RGS12: variants seen among roughly 807,000 people sequenced by gnomAD.
The protein encoded by RGS12 is regulator of G-protein signaling 12.
In RGS12, 66 loss-of-function variants were observed where a neutral mutation model predicts 120.1. The ratio of observed to expected loss-of-function variants is 0.55; its 90% CI spans 0.45 to 0.67. The LOEUF (loss-of-function observed/expected upper bound fraction) is 0.67, where lower values mean the gene tolerates loss of function less well. Among genes scored for constraint, RGS12 ranks in the 30% least tolerant of loss-of-function variants. The probability of loss-of-function intolerance (pLI) is 0.00; values close to 1 mark genes in which losing one functional copy is unlikely to be tolerated. For synonymous variants in RGS12, 827 were observed against 804.7 expected, an observed-to-expected ratio of 1.03 and a Z score of -0.47; for missense variants, 1,859 against 1,957.7, an observed-to-expected ratio of 0.95 and a Z score of 0.95.
intron 1 of RGS12, among the ~76,000 whole-genome samples, chr4:3,307,948 T>A (rs538120886): frequency 1.3e-5 from 2 of 152,364 alleles, no homozygotes; most frequent in Admixed American, 6.5e-5. Flanking sequence ...TGTATTTGGG[T>A]TCCAGCCAGA....
At chr4:3,394,160 T>G (rs923640850) in intron 4 of RGS12, among the ~76,000 whole-genome samples, 5 of 151,710 alleles carry the variant, frequency 3.3e-5, no homozygotes, top group Non-Finnish European at 7.4e-5. Flanking sequence ...CTTCAGCACA[T>G]CTTTTTTTTT....
chr4:3,428,213 T>TCCTCTC, intron 15 of RGS12, 44 bp downstream of exon 15: 1 of 1,544,994 alleles, frequency 6.5e-7, no homozygotes, highest in African/African-American at 1.4e-5. Context: ...CTCCTCTCGC[T>TCCTCTC]GTGGCCCCCG....
chr4:3,330,308 C>G (rs565092025), intron 2 of RGS12, among the ~76,000 whole-genome samples: 11 of 152,334 alleles, frequency 7.2e-5, no homozygotes, highest in Admixed American at 2.0e-4. Flanking sequence ...GATAAGGATT[C>G]TCCTGCTAGC....
chr4:3,426,990 G>T (rs955680227), intron 14 of RGS12, among the ~76,000 whole-genome samples: 1 of 152,188 alleles, frequency 6.6e-6, no homozygotes, highest in Non-Finnish European at 1.5e-5. Flanking sequence ...TGGCTCACTT[G>T]TCCCCACCCA....
chr4:3,315,358 T>C (rs1334616766), intron 1 of RGS12, among the ~76,000 whole-genome samples: 1 of 152,244 alleles, frequency 6.6e-6, no homozygotes, highest in East Asian at 1.9e-4. Flanking sequence ...CCAATACTTT[T>C]ATACCCCCTG....
chr4:3,336,896 T>A (rs1297415851), intron 2 of RGS12, among the ~76,000 whole-genome samples: 1 of 149,162 alleles, frequency 6.7e-6, no homozygotes, highest in Non-Finnish European at 1.5e-5. Flanking sequence ...AGTTAAAAAA[T>A]GGGCAAAAGT....
At chr4:3,395,207 T>TA (rs572783032) in intron 4 of RGS12, among the ~76,000 whole-genome samples, 151 of 135,570 alleles carry the variant, frequency 1.1e-3, no homozygotes, top group South Asian at 2.2e-3. Context: ...AGAGTCCATC[T>TA]AAAAAAAAAA....
intron 3 of RGS12, among the ~76,000 whole-genome samples, chr4:3,362,832 AGT>A (rs1466656717): frequency 3.8e-5 from 5 of 132,426 alleles, no homozygotes; most frequent in East Asian, 2.4e-4. Flanking sequence ...AGTGTGTTTG[AGT>A]GTGAGACTGA....
At chr4:3,402,106 C>A (rs1379462325) in intron 4 of RGS12, among the ~76,000 whole-genome samples, 1 of 152,174 alleles carries the variant, frequency 6.6e-6, no homozygotes, top group Non-Finnish European at 1.5e-5. Context: ...TTTTGGAAGC[C>A]CGGTTTAGGA....
intron 4 of RGS12, among the ~76,000 whole-genome samples, chr4:3,396,139 T>C (rs1057373091): frequency 6.6e-5 from 10 of 152,242 alleles, no homozygotes; most frequent in Non-Finnish European, 1.3e-4. Context: ...CACAGTTGGT[T>C]GAATCTGTGG....
At position 3,370,479 on chromosome 4, in the gene RGS12, C is replaced by T. The variant is rs577743447; in HGVS notation, c.1999-15937C>T. ...CATGTGTCTGCACCACAGCTCAAAG[C>T]GAGTGCTGCGGGGGCTCAGCCCAGG... is the stretch of plus-strand genomic sequence containing the variant. On this transcript the variant is annotated intron_variant, in intron 3 of 17. Transcript: ENST00000336727. Among the ~76,000 whole-genome samples, 11 of 152,374 alleles carry T rather than the reference C, an allele frequency of 7.2e-5. No individual in the cohort carries two copies. In the South Asian group the frequency reaches 1.7e-3, roughly 23 times the overall value.
At chr4:3,310,135 G>A (rs58914190) in intron 1 of RGS12, among the ~76,000 whole-genome samples, 8 of 47,238 alleles carry the variant, frequency 1.7e-4, no homozygotes, top group Admixed American at 2.4e-4. Flanking sequence ...AGGAGCTGGG[G>A]CCTGGGAATG....
chr4:3,325,418 G>A (rs943802077), intron 2 of RGS12, among the ~76,000 whole-genome samples: 1 of 152,180 alleles, frequency 6.6e-6, no homozygotes, highest in Non-Finnish European at 1.5e-5. Context: ...GAGGTGATTA[G>A]GTCATGAGGA....
rs1485710989 is a variant in RGS12 at position 3,416,900 on chromosome 4, A to G, written c.2428-13A>G. ...CCCTCCTGTGACTGTCCCACCTTAC[A>G]TCTTCTCCCCAGATCTTCAATCTCA... On this transcript the variant is annotated splice_polypyrimidine_tract_variant and intron_variant, in intron 7 of 17. Coordinates refer to ENST00000336727, the MANE Select transcript of RGS12 (RefSeq NM_001394154.1). 1.2e-5 allele frequency: 19 copies of G among 1,585,148 alleles called. No homozygotes were observed. Among genetic ancestry groups the G allele is most frequent in the African/African-American group, 5.4e-5 (4 of 74,464 alleles).
chr4:3,400,165 T>C (rs985083096), intron 4 of RGS12, among the ~76,000 whole-genome samples: 72 of 152,354 alleles, frequency 4.7e-4, no homozygotes, highest in South Asian at 8.3e-4. Flanking sequence ...ATATTCCTGA[T>C]ACCAATATTG....
At position 3,366,212 on chromosome 4, in the gene RGS12, G is replaced by A. The variant is rs933027588; in HGVS notation, c.1999-20204G>A. ...GGGGTTAGGCACAGGGCTGGGGCGG[G>A]TGCTGGGCAGACTGCAAAGGGTCAG... On this transcript the variant is annotated intron_variant, in intron 3 of 17. Transcript: ENST00000336727. The surrounding 1 kb of genome is among the most constrained non-coding windows in gnomAD (Gnocchi z 4.0). 6.6e-6 allele frequency among the ~76,000 whole-genome samples: 1 copy of A among 152,094 alleles called. No homozygotes were observed. The highest frequency in any genetic ancestry group is 2.4e-5 in the African/African-American group (1 of 41,406).
chr4:3,422,773 A>T, intron 11 of RGS12, 132 bp from the exon 12 acceptor site: 1 of 998,684 alleles, frequency 1.0e-6, no homozygotes, highest in Admixed American at 1.9e-5. Context: ...GGAAAGGGTG[A>T]TCGCTTTCTT....
intron 1 of RGS12, among the ~76,000 whole-genome samples, chr4:3,304,849 G>A (rs192472292): frequency 1.5e-4 from 23 of 152,362 alleles, no homozygotes; most frequent in Non-Finnish European, 3.1e-4. Flanking sequence ...CACGTGGCAC[G>A]TTGGTTCGCT....
intron 4 of RGS12, among the ~76,000 whole-genome samples, chr4:3,406,026 C>T (rs1721084182): frequency 6.6e-6 from 1 of 152,160 alleles, no homozygotes. Context: ...CCCATAAGCA[C>T]ATTTAGCTGC....
Sources: allele counts gnomAD v4.1 joint callset (sites outside exome capture counted in the v4.1 genomes callset), GRCh38; gene constraint gnomAD v4.1.1; non-coding constraint Gnocchi (gnomAD v3.1); transcripts MANE v1.5; gene names NCBI Gene and HGNC (gene_info 2026-07-23, HGNC 2026-07-21).